SGCZ: variants seen among roughly 807,000 people sequenced by gnomAD.
SGCZ encodes zeta-sarcoglycan.
SGCZ carries 40 observed loss-of-function variants against 41.3 expected under a neutral mutation model. That is an observed-to-expected ratio of 0.97 (90% CI 0.75 to 1.26). SGCZ has a LOEUF of 1.26. Ranked by LOEUF, SGCZ falls within the 50% of genes most tolerant of loss-of-function variation. The pLI is 0.00. For missense variants in SGCZ, 552 were observed against 369.8 expected (o/e 1.49, Z -4.04); for synonymous variants, 206 against 137.5 (o/e 1.50, Z -3.49).
chr8:14,480,509 C>T (rs187203958), intron 2 of SGCZ, among the ~76,000 whole-genome samples: 1 of 152,258 alleles, frequency 6.6e-6, no homozygotes, highest in East Asian at 1.9e-4. Context: ...AATCCACTTT[C>T]ATGACTTCGT....
chr8:15,186,257 C>A (rs1417002593), intron 1 of SGCZ, among the ~76,000 whole-genome samples: 2 of 78,642 alleles, frequency 2.5e-5, no homozygotes, highest in South Asian at 4.2e-4. Flanking sequence ...GGGAAGATTC[C>A]GTACCAAAAA....
chr8:15,038,983 C>G (rs1043156979), intron 1 of SGCZ, among the ~76,000 whole-genome samples: 2 of 151,878 alleles, frequency 1.3e-5, no homozygotes, highest in Non-Finnish European at 2.9e-5. Flanking sequence ...AAAAGATAAA[C>G]GTTGGTGAGA....
chr8:14,655,445 T>C (rs991323830), intron 1 of SGCZ, among the ~76,000 whole-genome samples: 2 of 152,116 alleles, frequency 1.3e-5, no homozygotes, highest in Non-Finnish European at 2.9e-5. Context: ...AAATAACCAA[T>C]TGTTTTATGG....
intron 1 of SGCZ, among the ~76,000 whole-genome samples, chr8:15,122,701 A>C (rs1477118588): frequency 1.3e-5 from 2 of 152,184 alleles, no homozygotes; most frequent in Non-Finnish European, 2.9e-5. Context: ...AATGCTTTCC[A>C]AATTTTCCTG....
At chr8:14,659,959 T>G (rs1807695460) in intron 1 of SGCZ, among the ~76,000 whole-genome samples, 1 of 152,098 alleles carries the variant, frequency 6.6e-6, no homozygotes, top group South Asian at 2.1e-4. Context: ...CATGTGAACA[T>G]GAAGGCAGAG....
At chr8:14,444,533 A>G (rs528869934) in intron 2 of SGCZ, among the ~76,000 whole-genome samples, 16 of 152,214 alleles carry the variant, frequency 1.1e-4, no homozygotes, top group African/African-American at 3.6e-4. Context: ...GAAATTGGAA[A>G]TCATCATTCT....
At chr8:14,683,658 A>T (rs1808516565) in intron 1 of SGCZ, among the ~76,000 whole-genome samples, 1 of 152,152 alleles carries the variant, frequency 6.6e-6, no homozygotes, top group Non-Finnish European at 1.5e-5. Context: ...TTAATTTTAC[A>T]TCAAATATAC....
chr8:15,052,802 A>G (rs929177015), intron 1 of SGCZ, among the ~76,000 whole-genome samples: 1 of 152,102 alleles, frequency 6.6e-6, no homozygotes, highest in East Asian at 1.9e-4. Flanking sequence ...CTTGACCCCA[A>G]ATTTTCCAAG....
chr8:14,317,944 A>G (rs1014330907), intron 3 of SGCZ, among the ~76,000 whole-genome samples: 5 of 152,014 alleles, frequency 3.3e-5, no homozygotes, highest in Non-Finnish European at 5.9e-5. Context: ...CAAAAATAGC[A>G]AAAACAAAGG....
chr8:14,976,314 C>T (rs986962964), intron 1 of SGCZ, among the ~76,000 whole-genome samples: 7 of 151,936 alleles, frequency 4.6e-5, no homozygotes, highest in Non-Finnish European at 8.8e-5. Flanking sequence ...TCAGCCACCG[C>T]GCCTGTCCCT....
chr8:14,244,754 C>A (rs1405784124), intron 3 of SGCZ, among the ~76,000 whole-genome samples: 2 of 151,956 alleles, frequency 1.3e-5, no homozygotes, highest in Admixed American at 6.6e-5. Context: ...TTGTTTCTAT[C>A]CTCTTTTATG....
chr8:14,551,525 A>T (rs796820768), intron 2 of SGCZ, among the ~76,000 whole-genome samples: 1,631 of 5,618 alleles, frequency 0.29, 191 homozygotes, highest in East Asian at 0.48. Flanking sequence ...ATTATATATA[A>T]TATATATAAT....
chr8:14,481,968 C>T (rs757240408), intron 2 of SGCZ, among the ~76,000 whole-genome samples: 1 of 152,110 alleles, frequency 6.6e-6, no homozygotes, highest in Non-Finnish European at 1.5e-5. Context: ...CCTGGGGATA[C>T]CTACCGGACC....
At chr8:14,906,536 G>T (rs1008282212) in intron 1 of SGCZ, among the ~76,000 whole-genome samples, 1 of 152,116 alleles carries the variant, frequency 6.6e-6, no homozygotes, top group African/African-American at 2.4e-5. Flanking sequence ...AACGTAAACT[G>T]CTGCCACTTA....
At chr8:14,928,734 G>C (rs1799837503) in intron 1 of SGCZ, among the ~76,000 whole-genome samples, 1 of 152,104 alleles carries the variant, frequency 6.6e-6, no homozygotes, top group South Asian at 2.1e-4. Flanking sequence ...TGCTATAAAT[G>C]TTAAAAGCAT....
chr8:14,923,755 T>C (rs1799661953), intron 1 of SGCZ, among the ~76,000 whole-genome samples: 1 of 152,244 alleles, frequency 6.6e-6, no homozygotes, highest in South Asian at 2.1e-4. Flanking sequence ...TGTTTATTTT[T>C]TAAATTCATG....
chr8:14,386,086 T>C (rs905714075), intron 2 of SGCZ, among the ~76,000 whole-genome samples: 2 of 152,184 alleles, frequency 1.3e-5, no homozygotes, highest in African/African-American at 2.4e-5. Flanking sequence ...TTTCCAAATA[T>C]ATTCAGTCTT....
chr8:14,677,765 C>T (rs746600683), intron 1 of SGCZ, among the ~76,000 whole-genome samples: 11 of 151,952 alleles, frequency 7.2e-5, no homozygotes, highest in East Asian at 1.9e-4. Flanking sequence ...AATGAGACTC[C>T]GTCTAAATAA....
At chr8:14,473,658 C>A (rs1310197265) in intron 2 of SGCZ, among the ~76,000 whole-genome samples, 1 of 151,974 alleles carries the variant, frequency 6.6e-6, no homozygotes, top group Non-Finnish European at 1.5e-5. Flanking sequence ...GAAAAAGCGG[C>A]CGGGCGAGGT....
Sources: allele counts gnomAD v4.1 joint callset (sites outside exome capture counted in the v4.1 genomes callset), GRCh38; gene constraint gnomAD v4.1.1; transcripts MANE v1.5; gene names NCBI Gene and HGNC (gene_info 2026-07-23, HGNC 2026-07-21).